ALPL: variants seen among roughly 807,000 people sequenced by gnomAD.
ALPL encodes alkaline phosphatase, biomineralization associated.
A neutral mutation model predicts 51.3 loss-of-function variants in ALPL; 42 were observed. That is an observed-to-expected ratio of 0.82 (90% CI 0.64 to 1.06). ALPL has a LOEUF of 1.06. Among genes scored for constraint, ALPL ranks in the 50% least tolerant of loss-of-function variants. The probability of loss-of-function intolerance (pLI) is 0.00; values close to 1 mark genes in which losing one functional copy is unlikely to be tolerated. For synonymous variants in ALPL, 279 were observed against 296.4 expected (o/e 0.94, Z 0.60); for missense variants, 589 against 709.4 (o/e 0.83, Z 1.93).
chr1:21,537,161 G>T, intron 1 of ALPL, among the ~76,000 whole-genome samples: 1 of 152,134 alleles, frequency 6.6e-6, no homozygotes, highest in East Asian at 1.9e-4. Context: ...CTCCCAAAAT[G>T]CTGGGATTAA....
intron 1 of ALPL, among the ~76,000 whole-genome samples, chr1:21,549,909 A>T (rs572115514): frequency 6.6e-6 from 1 of 152,322 alleles, no homozygotes; most frequent in African/African-American, 2.4e-5. Flanking sequence ...CATATCCAAG[A>T]TCTACAGGCT....
chr1:21,540,950 C>T (rs139688784), intron 1 of ALPL, among the ~76,000 whole-genome samples: 184 of 152,280 alleles, frequency 1.2e-3, no homozygotes, highest in African/African-American at 4.3e-3. Flanking sequence ...GAGATGGGAG[C>T]CCTTTGACTG....
In ALPL at chr1:21,576,507, C is replaced by A. The variant is rs1644739262; in HGVS notation, c.1190-15C>A. 3.7e-6 allele frequency: 6 copies of A among 1,613,522 alleles called. No homozygotes were observed. The highest frequency in any genetic ancestry group is 1.7e-4 in the Middle Eastern group (1 of 6,040). On this transcript the variant is annotated splice_polypyrimidine_tract_variant and intron_variant, in intron 10 of 11. Coordinates refer to ENST00000374840, the MANE Select transcript of ALPL (RefSeq NM_000478.6). ...GGGCCCCAGCATGACCCCTGAACAC[C>A]CCCTCCCTGTGCAGGTCTGGCCCCC...
intron 1 of ALPL, among the ~76,000 whole-genome samples, chr1:21,546,922 C>T (rs1047073930): frequency 2.6e-5 from 4 of 152,236 alleles, no homozygotes; most frequent in African/African-American, 9.6e-5. Flanking sequence ...CATAGATGGG[C>T]TGGAACAGCT....
rs2148194744 is a variant in ALPL at position 21,577,449 on chromosome 1, T to C, written c.1376T>C (p.Val459Ala). Residue 459 changes from valine to alanine, a missense_variant, in exon 12 of 12, where the codon GTG becomes GCG. Coordinates refer to ENST00000374840, the MANE Select transcript of ALPL (RefSeq NM_000478.6). ...CACGAGACCCACGGCGGGGAGGACG[T>C]GGCCGTCTTCTCCAAGGGCCCCATG... ...LRHETHGGED[V>A]AVFSKGPMAH... is the part of the protein sequence containing the mutation. 1 of 1,611,892 alleles carries C rather than the reference T, an allele frequency of 6.2e-7. No individual in the cohort carries two copies. Among genetic ancestry groups the C allele is most frequent in the Non-Finnish European group, 8.5e-7 (1 of 1,179,942 alleles).
intron 1 of ALPL, among the ~76,000 whole-genome samples, chr1:21,535,106 G>A (rs556725596): frequency 2.0e-5 from 3 of 152,338 alleles, no homozygotes; most frequent in East Asian, 3.9e-4. Flanking sequence ...GTGTTCCAGC[G>A]AATGTTGGTT....
At chr1:21,528,569 C>T (rs1230508198) in intron 1 of ALPL, among the ~76,000 whole-genome samples, 1 of 151,474 alleles carries the variant, frequency 6.6e-6, no homozygotes, top group Admixed American at 6.6e-5. Context: ...CCAGACTGGT[C>T]TCGGACTCCT....
rs549131129 is a variant in ALPL at position 21,553,222 on chromosome 1, G to A, written c.-104-756G>A. On this transcript the variant is annotated intron_variant, in intron 1 of 11. Coordinates refer to ENST00000374840, the MANE Select transcript of ALPL (RefSeq NM_000478.6). ...ATATATATTTTTTAAAAATTGTAAA[G>A]ATAATACTGTATCTCAGCACAAAAG... Among the ~76,000 whole-genome samples the A allele has an allele frequency of 3.4e-4, 51 of 151,206 alleles. No individual in the cohort carries two copies. In the South Asian group the frequency reaches 0.01, roughly 30 times the overall value.
rs200330153 is a variant in ALPL at position 21,576,622 on chromosome 1, T to C, written c.1290T>C (p.Asn430=). The change falls in exon 11 of 12, where the codon AAT becomes AAC. Residue 430 remains asparagine, a synonymous_variant. Coordinates refer to ENST00000374840, the MANE Select transcript of ALPL (RefSeq NM_000478.6). ...AGGTGGTGGGCGGTGAACGAGAGAA[T>C]GTCTCCATGGTGGACTATGGTGAGA... The part of the protein sequence containing the change: ...GYKVVGGERE[N]VSMVDYAHNN... The C allele has an allele frequency of 6.2e-7, 1 of 1,613,804 alleles. No individual in the cohort carries two copies. The highest frequency in any genetic ancestry group is 2.2e-5 in the East Asian group (1 of 44,860).
chr1:21,562,705 A>G (rs1446342838), intron 4 of ALPL, among the ~76,000 whole-genome samples: 1 of 109,364 alleles, frequency 9.1e-6, no homozygotes, highest in Admixed American at 1.0e-4. Flanking sequence ...CCTCACTTTC[A>G]CTACCCTATC....
chr1:21,543,318 C>G (rs1644213676), intron 1 of ALPL, among the ~76,000 whole-genome samples: 1 of 152,116 alleles, frequency 6.6e-6, no homozygotes, highest in Non-Finnish European at 1.5e-5. Context: ...CCAACACTCC[C>G]TTTATTGAAA....
At chr1:21,567,982 C>A in intron 6 of ALPL, 122 bp from the exon 7 acceptor site, 1 of 1,369,218 alleles carries the variant, frequency 7.3e-7, no homozygotes, top group Non-Finnish European at 1.0e-6. Context: ...CCTGGCTCAC[C>A]AGGCTGGGAA....
chr1:21,524,459 G>A (rs796226717), intron 1 of ALPL, among the ~76,000 whole-genome samples: 211 of 151,812 alleles, frequency 1.4e-3, no homozygotes, highest in African/African-American at 4.6e-3. Flanking sequence ...AATAGCTACC[G>A]CACTCCAGCC....
intron 1 of ALPL, among the ~76,000 whole-genome samples, chr1:21,525,125 C>T (rs780167278): frequency 8.5e-5 from 13 of 152,206 alleles, no homozygotes; most frequent in Non-Finnish European, 1.9e-4. Context: ...CAACCAAATC[C>T]CTGGGCTGGC....
At chr1:21,537,550 A>G (rs1480591620) in intron 1 of ALPL, among the ~76,000 whole-genome samples, 1 of 152,146 alleles carries the variant, frequency 6.6e-6, no homozygotes, top group Non-Finnish European at 1.5e-5. Flanking sequence ...TGCAGCTCTC[A>G]TTGCCAGAAC....
chr1:21,523,216 T>G (rs537627056), intron 1 of ALPL, among the ~76,000 whole-genome samples: 1 of 152,280 alleles, frequency 6.6e-6, no homozygotes, highest in African/African-American at 2.4e-5. Context: ...GGAGAATCAC[T>G]TGAACCCGGG....
At chr1:21,534,237 A>G (rs1644068566) in intron 1 of ALPL, among the ~76,000 whole-genome samples, 1 of 152,202 alleles carries the variant, frequency 6.6e-6, no homozygotes, top group Non-Finnish European at 1.5e-5. Flanking sequence ...TGGCCTCCCA[A>G]AGTGCTGGGA....
In ALPL at chr1:21,575,675, G is replaced by C; in HGVS notation, c.998-58G>C. 1.9e-6 allele frequency: 3 copies of C among 1,596,994 alleles called. No individual in the cohort carries two copies. The Admixed American group carries it at 5.0e-5, about 27-fold the overall frequency. On this transcript the variant is annotated intron_variant, in intron 9 of 11. Transcript: ENST00000374840. ...AATCCAGCAGCAGTGTTGTGGGGCT[G>C]GGGAGCAGATCTTCCTCCCCTCCTC...
chr1:21,560,794 G>C (rs1441278107), intron 3 of ALPL, 49 bp downstream of exon 3: 1 of 1,611,446 alleles, frequency 6.2e-7, no homozygotes, highest in Non-Finnish European at 8.5e-7. Context: ...ACCTAGCTAG[G>C]AGCCCCGGGA....
Sources: gnomAD v4.1 joint callset for allele counts (sites outside exome capture counted in the v4.1 genomes callset) on GRCh38, gnomAD v4.1.1 for gene constraint, MANE v1.5 for transcripts, NCBI Gene and HGNC (gene_info 2026-07-23, HGNC 2026-07-21) for gene names.